The following MRPL3 variants were observed in gnomAD, a reference collection of about 807,000 sequenced individuals.
The protein encoded by MRPL3 is mitochondrial ribosomal protein L3.
A neutral mutation model predicts 44.3 loss-of-function variants in MRPL3; 43 were observed. That is an observed-to-expected ratio of 0.97 (90% confidence interval 0.76 to 1.25). MRPL3 has a LOEUF of 1.25. MRPL3 is among the 50% of genes most tolerant of loss of function. The pLI is 0.00. For synonymous variants in MRPL3, 171 were observed against 152.3 expected (o/e 1.12, Z -0.91); for missense variants, 406 against 427.6 (o/e 0.95, Z 0.45).
rs766005571 is a variant in MRPL3 at position 131,501,674 on chromosome 3, C to A, written c.134G>T (p.Ser45Ile). 1 of 1,613,948 alleles carries A rather than the reference C, an allele frequency of 6.2e-7. No individual in the cohort carries two copies. Among genetic ancestry groups the A allele is most frequent in the Admixed American group, 1.7e-5 (1 of 60,024 alleles). The stretch of plus-strand genomic sequence containing the variant: ...AAGATGCTCATCCCACCATGTACCA[C>A]TCTTTCCATGAAGACCTCTAACAAA... The part of the protein sequence containing the change: ...WLFVRGLHGK[S>I]GTWWDEHLSE... Residue 45 changes from serine to isoleucine, a missense_variant, in exon 2 of 10, where the codon AGT (serine) becomes ATT (isoleucine). By Grantham distance (142) the Ser-to-Ile change is moderately radical (BLOSUM62 -2). Coordinates refer to ENST00000264995, the MANE Select transcript of MRPL3 (RefSeq NM_007208.4).
At chr3:131,463,176 C>A (rs1933528851) in intron 9 of MRPL3, among the ~76,000 whole-genome samples, 1 of 152,102 alleles carries the variant, frequency 6.6e-6, no homozygotes, top group Non-Finnish European at 1.5e-5. Flanking sequence ...TCTAAAATTA[C>A]TACTTGAATT....
intron 6 of MRPL3, among the ~76,000 whole-genome samples, chr3:131,478,706 C>A (rs993082044): frequency 7.9e-6 from 1 of 126,664 alleles, no homozygotes; most frequent in Non-Finnish European, 1.6e-5. Context: ...GTGAAATATT[C>A]GATTTTTTTT....
rs143788120 is a variant in MRPL3, at chr3:131,468,123, A to G, written c.862T>C (p.Ser288Pro). 3.4e-4 allele frequency: 543 copies of G among 1,594,540 alleles called. 1 individual carries two copies. Among genetic ancestry groups the G allele is most frequent in the Middle Eastern group, 2.0e-3 (12 of 5,958 alleles). The stretch of plus-strand genomic sequence containing the variant: ...AAGCAATTTTTATGTCCAGGTACAG[A>G]GCCATTTACATAGATTATGTTGTGC... ...TKHNIIYVNG[S>P]VPGHKNCLVK... Residue 288 changes from serine to proline, a missense_variant, in exon 9 of 10, where the codon TCT (serine) becomes CCT (proline). Transcript: ENST00000264995.
intron 6 of MRPL3, among the ~76,000 whole-genome samples, chr3:131,478,741 C>G (rs1014625917): frequency 2.2e-4 from 33 of 147,878 alleles, no homozygotes; most frequent in Admixed American, 2.0e-3. Context: ...CAGACTCTCG[C>G]TCTGTTTACC....
At position 131,475,496 on chromosome 3, in the gene MRPL3, C is replaced by CA. The variant is rs376272237; in HGVS notation, c.630-4218dup. ...CATAGTGAGACCTCAAACTTAAAAA[C>CA]AAAAATGATACATTACATGTATGAC... On this transcript the variant is annotated intron_variant, in intron 6 of 9. Transcript: ENST00000264995. Among the ~76,000 whole-genome samples, 676 of 152,198 alleles carry CA rather than the reference C, an allele frequency of 4.4e-3. 2 individuals carry two copies. The highest frequency in any genetic ancestry group is 7.5e-3 in the Admixed American group (115 of 15,284).
chr3:131,474,921 G>A (rs907285295), intron 6 of MRPL3, among the ~76,000 whole-genome samples: 2 of 151,880 alleles, frequency 1.3e-5, no homozygotes, highest in African/African-American at 4.8e-5. Context: ...ACAGACTACA[G>A]GTGCATGCCA....
intron 8 of MRPL3, 43 bp from the exon 9 acceptor site, chr3:131,468,211 A>C (rs989346379): frequency 9.6e-6 from 11 of 1,149,318 alleles, no homozygotes; most frequent in South Asian, 4.1e-5. Context: ...ATATACTTGT[A>C]TTAAAACAAT....
intron 6 of MRPL3, among the ~76,000 whole-genome samples, chr3:131,480,569 C>T (rs1235639841): frequency 1.3e-5 from 2 of 152,194 alleles, no homozygotes; most frequent in African/African-American, 4.8e-5. Context: ...AAATCTAGCT[C>T]ATTTAATAGT....
intron 6 of MRPL3, among the ~76,000 whole-genome samples, chr3:131,485,988 A>T (rs187997264): frequency 4.6e-5 from 7 of 152,284 alleles, no homozygotes; most frequent in Admixed American, 3.3e-4. Flanking sequence ...AAAAAGGAGA[A>T]AACTGAGGCA....
At chr3:131,486,550 TG>T (rs1934129886) in intron 6 of MRPL3, among the ~76,000 whole-genome samples, 1 of 151,902 alleles carries the variant, frequency 6.6e-6, no homozygotes, top group Non-Finnish European at 1.5e-5. Flanking sequence ...GGAAAATTTT[TG>T]TAATCTACCC....
chr3:131,501,769 C>CT, intron 1 of MRPL3, 54 bp from the exon 2 acceptor site: 1 of 1,592,446 alleles, frequency 6.3e-7, no homozygotes, highest in South Asian at 1.1e-5. Flanking sequence ...ACTTCCTCCA[C>CT]TTAATATAGA....
chr3:131,483,591 C>T (rs1336607280), intron 6 of MRPL3, among the ~76,000 whole-genome samples: 1 of 152,144 alleles, frequency 6.6e-6, no homozygotes, highest in Non-Finnish European at 1.5e-5. Context: ...TTATAACCAA[C>T]ATCAGTATAG....
intron 8 of MRPL3, 140 bp downstream of exon 8, chr3:131,469,556 A>G (rs1933696705): frequency 3.5e-6 from 2 of 571,660 alleles, no homozygotes; most frequent in East Asian, 6.0e-5. Context: ...ACACACACAC[A>G]CAATTCATGT....
intron 4 of MRPL3, chr3:131,497,978 A>G: frequency 3.5e-6 from 2 of 573,636 alleles, no homozygotes; most frequent in Non-Finnish European, 3.1e-6. Context: ...TTCCAGATAC[A>G]GGGAGAGGTA....
intron 3 of MRPL3, among the ~76,000 whole-genome samples, 168 bp from the exon 4 acceptor site, chr3:131,498,445 A>T (rs906990893): frequency 4.6e-5 from 7 of 151,924 alleles, no homozygotes; most frequent in Non-Finnish European, 1.0e-4. Context: ...AAAAAAAAAG[A>T]TTAAATACAC....
intron 6 of MRPL3, among the ~76,000 whole-genome samples, chr3:131,486,377 A>AG (rs1312611584): frequency 6.7e-6 from 1 of 149,250 alleles, no homozygotes; most frequent in East Asian, 1.9e-4. Context: ...AAAAAAAAAA[A>AG]AAAAAAAAAA....
chr3:131,465,942 G>C (rs908775139), intron 9 of MRPL3, among the ~76,000 whole-genome samples: 1 of 147,620 alleles, frequency 6.8e-6, no homozygotes, highest in African/African-American at 2.5e-5. Context: ...TGTTGCCCAG[G>C]CTAGAAGGCA....
intron 1 of MRPL3, among the ~76,000 whole-genome samples, 161 bp downstream of exon 1, chr3:131,502,569 C>A (rs968348652): frequency 2.6e-5 from 4 of 152,192 alleles, no homozygotes; most frequent in African/African-American, 9.7e-5. Context: ...ACTTCAATCC[C>A]CTTAGAACGT....
intron 4 of MRPL3, among the ~76,000 whole-genome samples, chr3:131,496,135 A>C (rs1022313414): frequency 6.6e-6 from 1 of 152,232 alleles, no homozygotes; most frequent in Non-Finnish European, 1.5e-5. Flanking sequence ...ATGAAAATGA[A>C]GATGATGATG....
Sources: allele counts gnomAD v4.1 joint callset (sites outside exome capture counted in the v4.1 genomes callset), GRCh38; gene constraint gnomAD v4.1.1; transcripts MANE v1.5; gene names NCBI Gene and HGNC (gene_info 2026-07-23, HGNC 2026-07-21).